The following IFT122 variants were observed in gnomAD, a reference collection of about 807,000 sequenced individuals.
IFT122 encodes intraflagellar transport protein 122 homolog.
Under a neutral mutation model 161.6 loss-of-function variants are expected in IFT122, and 118 were observed. The observed-to-expected ratio is 0.73, with a 90% CI of 0.63 to 0.85. IFT122 has a LOEUF of 0.85. Ranked by LOEUF, IFT122 falls within the 40% of genes least tolerant of loss-of-function variation. The pLI is 0.00. For missense variants in IFT122, 1,381 were observed against 1,579.6 expected (o/e 0.87, Z 2.13); for synonymous variants, 550 against 602.4 (o/e 0.91, Z 1.27).
intron 7 of IFT122, among the ~76,000 whole-genome samples, chr3:129,465,074 C>T (rs2076571193): frequency 6.6e-6 from 1 of 150,968 alleles, no homozygotes; most frequent in Non-Finnish European, 1.5e-5. Context: ...TGTGTCTGCG[C>T]ACATGTGCAT....
At chr3:129,469,799 G>C (rs182126079) in intron 9 of IFT122, among the ~76,000 whole-genome samples, 189 of 152,252 alleles carry the variant, frequency 1.2e-3, no homozygotes, top group African/African-American at 4.3e-3. Context: ...CATTCAACCA[G>C]TATTTATGAG....
At chr3:129,473,623 A>G (rs2077594033) in intron 9 of IFT122, among the ~76,000 whole-genome samples, 1 of 152,180 alleles carries the variant, frequency 6.6e-6, no homozygotes, top group Admixed American at 6.5e-5. Flanking sequence ...GCATCTTGTC[A>G]CAGTTTATAG....
rs2080730805 is a variant in IFT122 at position 129,495,543 on chromosome 3, G to A, written c.2144G>A (p.Arg715Lys). 7 of 1,614,208 alleles carry A rather than the reference G, an allele frequency of 4.3e-6. No individual in the cohort carries two copies. The highest frequency in any genetic ancestry group is 5.9e-6 in the Non-Finnish European group (7 of 1,180,054). The change falls in exon 18 of 30, where the codon AGG becomes AAG. Residue 715 changes from arginine (R) to lysine (K), a missense_variant. Physicochemically the swap from Arg to Lys is conservative, Grantham distance 26. This residue lies in a region of IFT122 where 496 missense variants were observed against 502.5 expected (regional missense o/e 0.99). Transcript: ENST00000348417. ...KFHEAAKLYK[R>K]SGHENLALEM... ...CATGAGGCCGCCAAACTGTACAAGA[G>A]GAGTGGGCACGAGAACCTCGCGCTT...
At chr3:129,468,422 C>T (rs919683167) in intron 8 of IFT122, among the ~76,000 whole-genome samples, 1 of 152,098 alleles carries the variant, frequency 6.6e-6, no homozygotes, top group Non-Finnish European at 1.5e-5. Context: ...CGGCTCACTG[C>T]AACTTCCGCC....
At chr3:129,443,366 A>G (rs756108609) in intron 1 of IFT122, among the ~76,000 whole-genome samples, 4 of 152,178 alleles carry the variant, frequency 2.6e-5, no homozygotes, top group Admixed American at 1.3e-4. Flanking sequence ...GTCTTCTGAC[A>G]GTGTATCTCT....
At position 129,440,335 on chromosome 3, in the gene IFT122, G is replaced by C. The variant is rs1340964573; in HGVS notation, c.5G>C (p.Arg2Thr). Residue 2 changes from arginine to threonine, a missense_variant, in exon 1 of 30, where the codon AGG becomes ACG. Physicochemically the swap from Arg to Thr is moderately conservative, Grantham distance 71. Transcript: ENST00000348417. Reference sequence around the variant, plus strand: ...CGAGCCGTAAGGGAAGCCGTGATGAGGGCCGTGTTGACGTGGAGAGATAAA... The same window carrying C: ...CGAGCCGTAAGGGAAGCCGTGATGACGGCCGTGTTGACGTGGAGAGATAAA... M[R>T]AVLTWRDKAE... 2 of 1,550,964 alleles carry C rather than the reference G, an allele frequency of 1.3e-6. No homozygotes were observed. Among genetic ancestry groups the C allele is most frequent in the South Asian group, 1.2e-5 (1 of 84,020 alleles).
At chr3:129,444,213 G>A (rs2073664100) in intron 1 of IFT122, among the ~76,000 whole-genome samples, 2 of 152,110 alleles carry the variant, frequency 1.3e-5, no homozygotes, top group South Asian at 2.1e-4. Context: ...TTTTTATTCC[G>A]CCATGCTGCT....
intron 18 of IFT122, among the ~76,000 whole-genome samples, chr3:129,496,496 G>A (rs919771053): frequency 3.3e-5 from 5 of 152,246 alleles, no homozygotes; most frequent in Middle Eastern, 3.4e-3. Flanking sequence ...CCTATTGGTG[G>A]GCTACTAATG....
At chr3:129,506,093 AC>A (rs781759897) in intron 21 of IFT122, among the ~76,000 whole-genome samples, 1 of 152,140 alleles carries the variant, frequency 6.6e-6, no homozygotes, top group Non-Finnish European at 1.5e-5. Flanking sequence ...AGGGGGCAGA[AC>A]CTCACTGAAG....
In IFT122 at chr3:129,495,598, G is replaced by A. The variant is rs141004492; in HGVS notation, c.2199G>A (p.Glu733=). ...TGTACACCGACCTCTGCATGTTTGA[G>A]TATGCCAAGGTAACCTACCCTGTCC... ...LEMYTDLCMF[E]YAKDFLGSGD... Residue 733 remains glutamate (E), a synonymous_variant, in exon 18 of 30, where the codon GAG becomes GAA. Coordinates refer to ENST00000348417, the MANE Select transcript of IFT122 (RefSeq NM_052989.3). 1 of 1,614,194 alleles carries A rather than the reference G, an allele frequency of 6.2e-7. No individual in the cohort carries two copies. The highest frequency in any genetic ancestry group is 8.5e-7 in the Non-Finnish European group (1 of 1,180,026).
chr3:129,464,561 C>G (rs2076513965), intron 6 of IFT122, 74 bp from the exon 7 acceptor site: 2 of 1,566,894 alleles, frequency 1.3e-6, no homozygotes, highest in Admixed American at 1.7e-5. Flanking sequence ...CAAACCAAGG[C>G]ATCATCCTCA....
intron 4 of IFT122, chr3:129,460,997 C>T: frequency 6.9e-7 from 1 of 1,454,986 alleles, no homozygotes; most frequent in South Asian, 1.1e-5. Context: ...CAAAACCAAC[C>T]TGGCCAAAAG....
At chr3:129,519,334 C>A in intron 28 of IFT122, 148 bp downstream of exon 28, 2 of 971,926 alleles carry the variant, frequency 2.1e-6, no homozygotes, top group Non-Finnish European at 3.2e-6. Flanking sequence ...GGACCCCTTC[C>A]TGTGGGGTGT....
At chr3:129,471,465 C>T (rs1173765955) in intron 9 of IFT122, among the ~76,000 whole-genome samples, 1 of 152,174 alleles carries the variant, frequency 6.6e-6, no homozygotes, top group Non-Finnish European at 1.5e-5. Flanking sequence ...GTACGAGGCA[C>T]TGGATGTGGG....
intron 9 of IFT122, among the ~76,000 whole-genome samples, chr3:129,475,581 A>C (rs1457706820): frequency 6.6e-6 from 1 of 152,172 alleles, no homozygotes; most frequent in Non-Finnish European, 1.5e-5. Flanking sequence ...GAAGCTGGGA[A>C]GTGGAGGTTG....
intron 14 of IFT122, 77 bp downstream of exon 14, chr3:129,481,771 G>A: frequency 6.6e-7 from 1 of 1,513,538 alleles, no homozygotes; most frequent in Non-Finnish European, 9.2e-7. Context: ...CCCTGCAGGA[G>A]GCTCTCCTGC....
At position 129,506,301 on chromosome 3, in the gene IFT122, G is replaced by A. The variant is rs780355403; in HGVS notation, c.2651-108G>A. The A allele has an allele frequency of 3.5e-5, 45 of 1,284,666 alleles. No individual in the cohort carries two copies. In the Admixed American group the frequency reaches 4.7e-4, roughly 14 times the overall value. The allele number at this position is 1,284,666 out of a possible 1,614,324, so 79.6% of individuals were successfully genotyped here. On this transcript the variant is annotated intron_variant, in intron 21 of 29. Transcript: ENST00000348417. Reference sequence around the variant, plus strand: ...AAGCACTGCAGATGCTCCAATGAGTGTCCTACTTCCAAAGCAGCCCTGTGC... The same window carrying A: ...AAGCACTGCAGATGCTCCAATGAGTATCCTACTTCCAAAGCAGCCCTGTGC...
At chr3:129,479,659 G>T in intron 12 of IFT122, 126 bp from the exon 13 acceptor site, 1 of 1,192,744 alleles carries the variant, frequency 8.4e-7, no homozygotes, top group Non-Finnish European at 1.2e-6. Flanking sequence ...GGTCTACATT[G>T]GGTTAGATAG....
At chr3:129,451,811 A>G in intron 2 of IFT122, 103 bp from the exon 3 acceptor site, 2 of 939,496 alleles carry the variant, frequency 2.1e-6, no homozygotes, top group South Asian at 2.6e-5. Context: ...GATTTAGAAT[A>G]TTGACACGTA....
Sources: allele counts gnomAD v4.1 joint callset (sites outside exome capture counted in the v4.1 genomes callset), GRCh38; gene constraint gnomAD v4.1.1; regional missense constraint gnomAD v4.1.1; transcripts MANE v1.5; gene names NCBI Gene and HGNC (gene_info 2026-07-23, HGNC 2026-07-21).